STXBP5L: variants seen among roughly 807,000 people sequenced by gnomAD.
STXBP5L encodes the protein syntaxin binding protein 5L.
A neutral mutation model predicts 144.5 loss-of-function variants in STXBP5L; 65 were observed. The ratio of observed to expected loss-of-function variants is 0.45; its 90% CI spans 0.37 to 0.55. The LOEUF (loss-of-function observed/expected upper bound fraction) is 0.55. Among genes scored for constraint, STXBP5L ranks in the 20% least tolerant of loss-of-function variants. The pLI is 0.00. For synonymous variants in STXBP5L, 505 were observed against 469.6 expected, an observed-to-expected ratio of 1.08 and a Z score of -0.97; for missense variants, 1,298 against 1,405.5, an observed-to-expected ratio of 0.92 and a Z score of 1.22.
intron 2 of STXBP5L, among the ~76,000 whole-genome samples, chr3:120,922,690 C>A (rs1244658166): frequency 6.6e-6 from 1 of 151,872 alleles, no homozygotes; most frequent in Non-Finnish European, 1.5e-5. Context: ...TGAATTTTAT[C>A]AAATTCTTTT....
chr3:121,378,195 G>T (rs1449418980), intron 20 of STXBP5L, among the ~76,000 whole-genome samples: 1 of 151,892 alleles, frequency 6.6e-6, no homozygotes, highest in African/African-American at 2.4e-5. Context: ...GGGAGGGAGA[G>T]TATTAGGACA....
intron 6 of STXBP5L, among the ~76,000 whole-genome samples, chr3:121,117,622 A>G (rs1490483907): frequency 6.6e-6 from 1 of 151,844 alleles, no homozygotes; most frequent in African/African-American, 2.4e-5. Context: ...ATGAATTTTA[A>G]TAATATATTT....
intron 7 of STXBP5L, among the ~76,000 whole-genome samples, chr3:121,133,891 C>A (rs12629124): frequency 6.6e-6 from 1 of 152,084 alleles, no homozygotes; most frequent in Non-Finnish European, 1.5e-5. Flanking sequence ...ACCATCAGAT[C>A]TCATGAGAAC....
chr3:121,380,244 C>A (rs1442347106), intron 21 of STXBP5L, among the ~76,000 whole-genome samples: 5 of 152,140 alleles, frequency 3.3e-5, no homozygotes, highest in African/African-American at 1.2e-4. Context: ...AAACATATAA[C>A]CTCCAAGCTC....
In STXBP5L at chr3:121,420,303, T is replaced by C. The variant is rs954189842; in HGVS notation, c.*1206T>C. On this transcript the variant is annotated 3_prime_UTR_variant, in exon 27 of 27. Coordinates refer to ENST00000471454, the MANE Select transcript of STXBP5L (RefSeq NM_001308330.2). ...CGATACTTACCACTGGAAATCTTTA[T>C]AAAATATAGTGATCTGTTTGCTATC... 2 of 152,194 alleles carry C rather than the reference T, an allele frequency of 1.3e-5. No homozygotes were observed. Among genetic ancestry groups the C allele is most frequent in the African/African-American group, 4.8e-5 (2 of 41,468 alleles). 9.4% of individuals were successfully genotyped at this position (152,194 alleles called of 1,614,324 possible). A position where few individuals can be genotyped will look rare whatever the true frequency, so the allele number is the denominator to read the frequency against.
At chr3:121,097,310 G>T (rs949434918) in intron 5 of STXBP5L, among the ~76,000 whole-genome samples, 1 of 152,146 alleles carries the variant, frequency 6.6e-6, no homozygotes, top group Admixed American at 6.6e-5. Context: ...CCTTTCCAGG[G>T]GAGTGAACGG....
At chr3:121,090,215 G>T (rs1035158935) in intron 5 of STXBP5L, among the ~76,000 whole-genome samples, 5 of 151,988 alleles carry the variant, frequency 3.3e-5, no homozygotes, top group South Asian at 2.1e-4. Flanking sequence ...TTTGACATTG[G>T]TCTGGCAGGG....
intron 5 of STXBP5L, among the ~76,000 whole-genome samples, chr3:121,046,616 A>G (rs1044209291): frequency 6.6e-6 from 1 of 151,936 alleles, no homozygotes; most frequent in African/African-American, 2.4e-5. Context: ...GAATGTATTC[A>G]TTTATTTTAG....
At chr3:121,144,987 G>A (rs906620757) in intron 7 of STXBP5L, among the ~76,000 whole-genome samples, 6 of 151,834 alleles carry the variant, frequency 4.0e-5, no homozygotes, top group Non-Finnish European at 8.8e-5. Flanking sequence ...TGTAATGGTG[G>A]CTGATGGGCT....
chr3:121,000,153 C>G (rs1943656086), intron 3 of STXBP5L, among the ~76,000 whole-genome samples: 1 of 152,058 alleles, frequency 6.6e-6, no homozygotes, highest in African/African-American at 2.4e-5. Flanking sequence ...GAATGTGAAC[C>G]TCTCTAGTGA....
chr3:121,266,064 T>C (rs1039429010), intron 18 of STXBP5L, among the ~76,000 whole-genome samples: 1 of 152,170 alleles, frequency 6.6e-6, no homozygotes, highest in Non-Finnish European at 1.5e-5. Context: ...GAGGAGCTGG[T>C]ACCATTTCTT....
At chr3:121,319,121 G>T (rs1252595822) in intron 20 of STXBP5L, among the ~76,000 whole-genome samples, 1 of 151,992 alleles carries the variant, frequency 6.6e-6, no homozygotes, top group East Asian at 1.9e-4. Flanking sequence ...TTATTTTTGG[G>T]TGGTGGGAAT....
At chr3:121,362,058 A>G (rs1273705451) in intron 20 of STXBP5L, among the ~76,000 whole-genome samples, 3 of 152,226 alleles carry the variant, frequency 2.0e-5, no homozygotes, top group Non-Finnish European at 4.4e-5. Context: ...TACTGCTTTA[A>G]TAGTCTTGGA....
intron 3 of STXBP5L, among the ~76,000 whole-genome samples, chr3:121,041,482 A>T (rs1947149556): frequency 6.6e-6 from 1 of 152,104 alleles, no homozygotes. Context: ...GCCATCTTTC[A>T]AATTCCTTAT....
At chr3:121,293,186 A>C (rs1182948437) in intron 19 of STXBP5L, among the ~76,000 whole-genome samples, 1 of 152,194 alleles carries the variant, frequency 6.6e-6, no homozygotes, top group Non-Finnish European at 1.5e-5. Context: ...AATCCAAAAT[A>C]ATTGTAGTGA....
At chr3:121,292,888 G>T (rs1012391468) in intron 19 of STXBP5L, among the ~76,000 whole-genome samples, 1 of 152,134 alleles carries the variant, frequency 6.6e-6, no homozygotes, top group Non-Finnish European at 1.5e-5. Flanking sequence ...CAAGGGAAAG[G>T]GTGGGAGGTA....
chr3:121,296,393 A>G (rs1420033443), intron 19 of STXBP5L, among the ~76,000 whole-genome samples: 8 of 152,196 alleles, frequency 5.3e-5, no homozygotes, highest in Non-Finnish European at 7.3e-5. Flanking sequence ...AGTATTTCCA[A>G]TATTTCAAAT....
At chr3:121,209,851 G>A (rs1056424899) in intron 10 of STXBP5L, among the ~76,000 whole-genome samples, 1 of 152,168 alleles carries the variant, frequency 6.6e-6, no homozygotes, top group Non-Finnish European at 1.5e-5. Context: ...ATTTGGGTTG[G>A]CTCCAAGTCT....
intron 5 of STXBP5L, among the ~76,000 whole-genome samples, chr3:121,093,973 C>A (rs1351881610): frequency 6.6e-6 from 1 of 151,998 alleles, no homozygotes; most frequent in African/African-American, 2.4e-5. Context: ...TACGTTGTGT[C>A]TTTGTTCTCG....
Sources: allele counts gnomAD v4.1 joint callset (sites outside exome capture counted in the v4.1 genomes callset), GRCh38; gene constraint gnomAD v4.1.1; transcripts MANE v1.5; gene names NCBI Gene and HGNC (gene_info 2026-07-23, HGNC 2026-07-21).